Variants in VEPH1 observed in about 807,000 individuals in gnomAD.
VEPH1 encodes the protein ventricular zone-expressed PH domain-containing protein homolog 1.
In VEPH1, 80 loss-of-function variants were observed where a neutral mutation model predicts 85.2. That is an observed-to-expected ratio of 0.94 (90% CI 0.78 to 1.13). The LOEUF (loss-of-function observed/expected upper bound fraction) is 1.13. Among genes scored for constraint, VEPH1 ranks in the 50% most tolerant of loss-of-function variants. The pLI is 0.00. For synonymous variants in VEPH1, 297 were observed against 348.0 expected (o/e 0.85, Z 1.63); for missense variants, 955 against 980.5 (o/e 0.97, Z 0.35).
intron 4 of VEPH1, among the ~76,000 whole-genome samples, chr3:157,455,488 C>A (rs943357461): frequency 1.3e-5 from 2 of 151,320 alleles, no homozygotes; most frequent in African/African-American, 4.9e-5. Flanking sequence ...AAACTTGTGT[C>A]ATGGGGGTTT....
Position 157,428,380 on chromosome 3 carries a change from G to A in VEPH1, c.638C>T (p.Pro213Leu), listed in dbSNP as rs1236180264. The A allele has an allele frequency of 6.2e-7, 1 of 1,613,920 alleles. No individual in the cohort carries two copies. Among genetic ancestry groups the A allele is most frequent in the Non-Finnish European group, 8.5e-7 (1 of 1,179,952 alleles). The change falls in exon 5 of 14, where the codon CCA (proline) becomes CTA (leucine). Residue 213 changes from proline to leucine, a missense_variant. Physicochemically the swap from Pro to Leu is moderately conservative, Grantham distance 98 (BLOSUM62 -3). Transcript: ENST00000362010. ...LLALMSQLEQ[P>L]EQYHLLRLLH... ...AAGCCGTAGTAGATGGTACTGTTCT[G>A]GCTGTTCCAGCTGAGACATCAAGGC... is the stretch of plus-strand genomic sequence containing the variant.
At chr3:157,489,984 T>C (rs2109707937) in intron 2 of VEPH1, among the ~76,000 whole-genome samples, 1 of 152,046 alleles carries the variant, frequency 6.6e-6, no homozygotes, top group South Asian at 2.1e-4. Flanking sequence ...AAAACACTTA[T>C]ACATTTAACA....
intron 9 of VEPH1, among the ~76,000 whole-genome samples, chr3:157,351,741 G>A (rs1262184088): frequency 6.6e-6 from 1 of 152,192 alleles, no homozygotes; most frequent in East Asian, 1.9e-4. Flanking sequence ...TGATGTTGAT[G>A]TTGTTGGTCC....
intron 9 of VEPH1, among the ~76,000 whole-genome samples, chr3:157,320,405 C>A (rs1285200854): frequency 6.6e-6 from 1 of 152,136 alleles, no homozygotes; most frequent in Non-Finnish European, 1.5e-5. Flanking sequence ...GTGAGAGAAA[C>A]AAGCACTTTA....
At chr3:157,314,559 AT>A (rs1161271244) in intron 10 of VEPH1, among the ~76,000 whole-genome samples, 1 of 152,002 alleles carries the variant, frequency 6.6e-6, no homozygotes, top group Non-Finnish European at 1.5e-5. Flanking sequence ...ATAAATATTC[AT>A]ATTTATTTTC....
chr3:157,493,301 G>C, intron 2 of VEPH1: 1 of 456,336 alleles, frequency 2.2e-6, no homozygotes, highest in South Asian at 1.6e-5. Flanking sequence ...TTTCTGAAGA[G>C]AAATTGAGAA....
Position 157,414,026 on chromosome 3 carries a change from A to C in VEPH1, c.761T>G (p.Ile254Ser), listed in dbSNP as rs773644795. ...TGCTATCTCTATGAGGATGTTTAGG[A>C]TGATGTCATTATGGGTTGAATCCTT... ...HLKDSTHNDI[I>S]LNILIEIAVY... The change falls in exon 6 of 14, where the codon ATC becomes AGC. Residue 254 changes from isoleucine to serine, a missense_variant. By Grantham distance (142) the Ile-to-Ser change is moderately radical (BLOSUM62 -2). Transcript: ENST00000362010. 1.2e-6 allele frequency: 2 copies of C among 1,613,514 alleles called. No individual in the cohort carries two copies. Among genetic ancestry groups the C allele is most frequent in the South Asian group, 1.1e-5 (1 of 91,056 alleles).
rs144577305 is a variant in VEPH1, at chr3:157,288,894, T to G, written c.2011-2220A>C. Among the ~76,000 whole-genome samples the G allele has an allele frequency of 1.4e-4, 22 of 152,348 alleles. No homozygotes were observed. The East Asian group carries it at 3.7e-3, about 25-fold the overall frequency. On this transcript the variant is annotated intron_variant, in intron 11 of 13. Transcript: ENST00000362010. ...ACATGGTGACTGCAACATTTTGGGT[T>G]GCTAACCTTTAATACCGTATCTCAG...
At chr3:157,303,078 T>A (rs978881349) in intron 11 of VEPH1, among the ~76,000 whole-genome samples, 3 of 152,220 alleles carry the variant, frequency 2.0e-5, no homozygotes, top group Non-Finnish European at 2.9e-5. Context: ...TCAAAAAAAT[T>A]TTTTGATGAG....
At chr3:157,313,867 A>G in intron 10 of VEPH1, 112 bp from the exon 11 acceptor site, 1 of 1,294,008 alleles carries the variant, frequency 7.7e-7, no homozygotes, top group Admixed American at 2.3e-5. Context: ...ACATGATTTA[A>G]TTTTAAATGA....
At chr3:157,321,576 C>T (rs1337530342) in intron 9 of VEPH1, among the ~76,000 whole-genome samples, 1 of 152,158 alleles carries the variant, frequency 6.6e-6, no homozygotes, top group East Asian at 1.9e-4. Flanking sequence ...ATGCCAGAGC[C>T]TATTCTCTTT....
rs779999024 is a variant in VEPH1, at chr3:157,261,345, A to G, written c.2291T>C (p.Ile764Thr). The G allele has an allele frequency of 1.1e-5, 17 of 1,613,546 alleles. No homozygotes were observed. Among genetic ancestry groups the G allele is most frequent in the African/African-American group, 1.3e-5 (1 of 74,970 alleles). Reference sequence around the variant, plus strand: ...CACACTCTGTACTTTGCTGAGTTCTATTGGGCAGTCGTCAGGGTCATCTTT... The same window carrying G: ...CACACTCTGTACTTTGCTGAGTTCTGTTGGGCAGTCGTCAGGGTCATCTTT... ...KSKDDPDDCP[I>T]ELSKVQSVKA... The change falls in exon 14 of 14, where the codon ATA becomes ACA. Residue 764 changes from isoleucine (I) to threonine (T), a missense_variant. Physicochemically the swap from Ile to Thr is moderately conservative, Grantham distance 89 (BLOSUM62 -1). Coordinates refer to ENST00000362010, the MANE Select transcript of VEPH1 (RefSeq NM_001167912.2).
chr3:157,301,423 A>G (rs574579847), intron 11 of VEPH1, among the ~76,000 whole-genome samples: 1 of 152,072 alleles, frequency 6.6e-6, no homozygotes, highest in Non-Finnish European at 1.5e-5. Flanking sequence ...CTATTGCATC[A>G]TCCCGGCAAT....
chr3:157,317,293 TA>T (rs1720853665), intron 9 of VEPH1, 92 bp from the exon 10 acceptor site: 1 of 1,241,930 alleles, frequency 8.1e-7, no homozygotes, highest in African/African-American at 1.5e-5. Context: ...CTTTATAAAA[TA>T]TCCTTCAGTT....
At chr3:157,414,177 T>G in intron 5 of VEPH1, 87 bp from the exon 6 acceptor site, 1 of 1,058,884 alleles carries the variant, frequency 9.4e-7, no homozygotes, top group African/African-American at 1.6e-5. Context: ...AAAGCAAACT[T>G]TTTTTGCATT....
At chr3:157,311,704 A>AT (rs199601392) in intron 11 of VEPH1, among the ~76,000 whole-genome samples, 11 of 151,566 alleles carry the variant, frequency 7.3e-5, no homozygotes, top group Admixed American at 2.0e-4. Flanking sequence ...TTTGCCAAGT[A>AT]TTTTTTTTTA....
At chr3:157,389,650 G>A (rs191234972) in intron 6 of VEPH1, among the ~76,000 whole-genome samples, 2 of 151,054 alleles carry the variant, frequency 1.3e-5, no homozygotes, top group African/African-American at 4.9e-5. Context: ...TAGATAGATA[G>A]ATAGATAGAT....
chr3:157,268,625 T>G (rs1417076147), intron 12 of VEPH1, among the ~76,000 whole-genome samples: 1 of 152,204 alleles, frequency 6.6e-6, no homozygotes, highest in Non-Finnish European at 1.5e-5. Flanking sequence ...CCCCTGGGAT[T>G]CTGGGAGGTC....
chr3:157,330,956 G>T (rs560363138), intron 9 of VEPH1, among the ~76,000 whole-genome samples: 2 of 152,338 alleles, frequency 1.3e-5, no homozygotes, highest in South Asian at 4.1e-4. Flanking sequence ...CCTTTTGTTG[G>T]AATAGAAGCC....
Sources: allele counts gnomAD v4.1 joint callset (sites outside exome capture counted in the v4.1 genomes callset), GRCh38; gene constraint gnomAD v4.1.1; transcripts MANE v1.5; gene names NCBI Gene and HGNC (gene_info 2026-07-23, HGNC 2026-07-21).